BTBD10: variants seen among roughly 807,000 people sequenced by gnomAD.
BTBD10 encodes BTB/POZ domain-containing protein 10.
Under a neutral mutation model 53.2 loss-of-function variants are expected in BTBD10, and 21 were observed. The observed-to-expected ratio is 0.39, with a 90% confidence interval of 0.28 to 0.57. The LOEUF is 0.57. Ranked by LOEUF, BTBD10 falls within the 20% of genes least tolerant of loss-of-function variation. The pLI, the probability that BTBD10 is intolerant of heterozygous loss-of-function variation, is 0.53. For synonymous variants in BTBD10, 149 were observed against 192.7 expected, an observed-to-expected ratio of 0.77 and a Z score of 1.88; for missense variants, 360 against 594.7, an observed-to-expected ratio of 0.61 and a Z score of 4.10.
chr11:13,390,925 G>A (rs1482434020), intron 8 of BTBD10, among the ~76,000 whole-genome samples: 2 of 152,114 alleles, frequency 1.3e-5, no homozygotes, highest in African/African-American at 4.8e-5. Flanking sequence ...CATACTTTTG[G>A]TCAATTACCT....
At chr11:13,395,428 T>A (rs1949521209) in intron 8 of BTBD10, among the ~76,000 whole-genome samples, 2 of 152,210 alleles carry the variant, frequency 1.3e-5, no homozygotes, top group Non-Finnish European at 2.9e-5. Context: ...CATTGTAGAT[T>A]CTGGATATTA....
Position 13,405,777 on chromosome 11 carries a change from G to C in BTBD10, c.888C>G (p.Leu296=). 1 of 1,613,798 alleles carries C rather than the reference G, an allele frequency of 6.2e-7. No homozygotes were observed. Among genetic ancestry groups the C allele is most frequent in the Non-Finnish European group, 8.5e-7 (1 of 1,179,774 alleles). The change falls in exon 7 of 9, where the codon CTC becomes CTG. Residue 296 remains leucine (L), a synonymous_variant. Transcript: ENST00000278174. ...EFYLEEMILP[L]MVASAQSGER... ...CCCCACTCTGGGCACTAGCTACCAT[G>C]AGAGGGAGGATCATTTCTTCCAGAT... is the stretch of plus-strand genomic sequence containing the variant.
intron 2 of BTBD10, among the ~76,000 whole-genome samples, chr11:13,433,674 C>G (rs191581482): frequency 1.3e-5 from 2 of 152,248 alleles, no homozygotes; most frequent in Non-Finnish European, 2.9e-5. Flanking sequence ...TGGAACACAG[C>G]CATGTCTATT....
chr11:13,432,958 A>G (rs1242171369), intron 2 of BTBD10, among the ~76,000 whole-genome samples: 1 of 152,164 alleles, frequency 6.6e-6, no homozygotes, highest in African/African-American at 2.4e-5. Context: ...TAGCTGATAT[A>G]AGTAGCACTC....
At chr11:13,396,578 G>GT (rs1380427529) in intron 8 of BTBD10, among the ~76,000 whole-genome samples, 1 of 152,114 alleles carries the variant, frequency 6.6e-6, no homozygotes, top group Non-Finnish European at 1.5e-5. Context: ...CAACACTATG[G>GT]TGAATAGTTG....
At chr11:13,459,213 C>T (rs1424829716) in intron 1 of BTBD10, among the ~76,000 whole-genome samples, 4 of 151,280 alleles carry the variant, frequency 2.6e-5, no homozygotes, top group African/African-American at 7.3e-5. Flanking sequence ...CCCGCCACTA[C>T]GCCCGGCTAA....
chr11:13,462,159 T>C (rs1951115977), intron 1 of BTBD10, among the ~76,000 whole-genome samples: 1 of 152,050 alleles, frequency 6.6e-6, no homozygotes, highest in South Asian at 2.1e-4. Context: ...TGAAAATTTA[T>C]CCCTAACCCC....
intron 1 of BTBD10, among the ~76,000 whole-genome samples, chr11:13,456,600 T>G (rs1280948402): frequency 2.0e-5 from 3 of 152,104 alleles, no homozygotes; most frequent in Admixed American, 1.3e-4. Context: ...TAAAAACAAG[T>G]AATTTTTTTA....
chr11:13,453,133 T>G (rs1324991873), intron 1 of BTBD10, among the ~76,000 whole-genome samples: 2 of 152,108 alleles, frequency 1.3e-5, no homozygotes, highest in Non-Finnish European at 2.9e-5. Flanking sequence ...CGGTTAAAAC[T>G]CTGCACAATA....
At chr11:13,427,261 A>G (rs1372122689) in intron 2 of BTBD10, among the ~76,000 whole-genome samples, 1 of 152,146 alleles carries the variant, frequency 6.6e-6, no homozygotes, top group Non-Finnish European at 1.5e-5. Flanking sequence ...TATATGCTAT[A>G]TGGTACAAAG....
At chr11:13,414,147 ACATAC>A (rs1950033703) in intron 5 of BTBD10, among the ~76,000 whole-genome samples, 1 of 152,218 alleles carries the variant, frequency 6.6e-6, no homozygotes, top group African/African-American at 2.4e-5. Flanking sequence ...GTAAAATAAG[ACATAC>A]CATTAGATAT....
At position 13,396,437 on chromosome 11, in the gene BTBD10, T is replaced by G. The variant is rs533080015; in HGVS notation, c.1117+6731A>C. On this transcript the variant is annotated intron_variant, in intron 8 of 8. Coordinates refer to ENST00000278174, the MANE Select transcript of BTBD10 (RefSeq NM_032320.7). ...GTTGCTTATCAGCTTAAGGAGATTT[T>G]GGGCTGAGACAATGGGGTTTTCTAG... 6.3e-3 allele frequency among the ~76,000 whole-genome samples: 955 copies of G among 152,356 alleles called. 14 individuals carry two copies. The highest frequency in any genetic ancestry group is 0.022 in the African/African-American group (896 of 41,568).
chr11:13,394,418 G>A (rs1034715366), intron 8 of BTBD10, among the ~76,000 whole-genome samples: 1 of 151,972 alleles, frequency 6.6e-6, no homozygotes, highest in African/African-American at 2.4e-5. Context: ...CTTCCTCTTT[G>A]CCTTCTGCCA....
chr11:13,429,231 C>G (rs1950402859), intron 2 of BTBD10, among the ~76,000 whole-genome samples: 1 of 152,140 alleles, frequency 6.6e-6, no homozygotes, highest in Non-Finnish European at 1.5e-5. Context: ...AGTTCATCTA[C>G]TAGATACAAC....
At chr11:13,427,002 G>T (rs1017227684) in intron 2 of BTBD10, among the ~76,000 whole-genome samples, 1 of 152,144 alleles carries the variant, frequency 6.6e-6, no homozygotes, top group African/African-American at 2.4e-5. Context: ...GATCACTTGA[G>T]CCCAGGAGTT....
At chr11:13,401,918 T>C (rs534716023) in intron 8 of BTBD10, among the ~76,000 whole-genome samples, 3 of 152,306 alleles carry the variant, frequency 2.0e-5, no homozygotes, top group Admixed American at 6.5e-5. Context: ...ACCACAAATA[T>C]AGTAAGCTCA....
At chr11:13,447,153 C>T (rs1039137579) in intron 1 of BTBD10, among the ~76,000 whole-genome samples, 1 of 151,908 alleles carries the variant, frequency 6.6e-6, no homozygotes, top group African/African-American at 2.4e-5. Context: ...TTTATCTCTC[C>T]TCTTCTTTTT....
At chr11:13,403,137 A>G in intron 8 of BTBD10, 31 bp downstream of exon 8, 1 of 1,297,742 alleles carries the variant, frequency 7.7e-7, no homozygotes, top group Non-Finnish European at 1.1e-6. Flanking sequence ...TTTAAAAAGA[A>G]AACTAATAGA....
intron 2 of BTBD10, chr11:13,440,287 G>C (rs980695118): frequency 1.9e-5 from 22 of 1,174,734 alleles, no homozygotes; most frequent in African/African-American, 3.2e-5. Flanking sequence ...TGTGAGCTGT[G>C]ATCGTCCCAT....
Sources: allele counts gnomAD v4.1 joint callset (sites outside exome capture counted in the v4.1 genomes callset), GRCh38; gene constraint gnomAD v4.1.1; transcripts MANE v1.5; gene names NCBI Gene and HGNC (gene_info 2026-07-23, HGNC 2026-07-21).